Variants in LYRM9 observed in about 807,000 individuals in gnomAD.
The protein encoded by LYRM9 is LYR motif-containing protein 9.
LYRM9 carries 14 observed loss-of-function variants against 12.6 expected under a neutral mutation model. That is an observed-to-expected ratio of 1.11 (90% CI 0.73 to 1.73). The LOEUF (loss-of-function observed/expected upper bound fraction) is 1.73, where lower values mean the gene tolerates loss of function less well. Among genes scored for constraint, LYRM9 ranks in the 40% most tolerant of loss-of-function variants. The pLI, the probability that LYRM9 is intolerant of heterozygous loss-of-function variation, is 0.00. For synonymous variants in LYRM9, 42 were observed against 35.1 expected, an observed-to-expected ratio of 1.20 and a Z score of -0.69; for missense variants, 94 against 95.0, an observed-to-expected ratio of 0.99 and a Z score of 0.04.
intron 1 of LYRM9, chr17:27,892,549 G>T (rs1335795797): frequency 5.2e-6 from 2 of 384,192 alleles, no homozygotes; most frequent in Non-Finnish European, 1.0e-5. Context: ...AGTCACAAGG[G>T]GCTACTTAAT....
intron 1 of LYRM9, among the ~76,000 whole-genome samples, chr17:27,889,695 A>AT (rs1905363330): frequency 6.6e-6 from 1 of 152,162 alleles, no homozygotes; most frequent in South Asian, 2.1e-4. Flanking sequence ...GGGGTCTGTT[A>AT]TATCAACTCA....
intron 1 of LYRM9, chr17:27,892,669 G>A (rs1435638309): frequency 3.3e-6 from 1 of 306,664 alleles, no homozygotes; most frequent in Non-Finnish European, 6.4e-6. Flanking sequence ...AGGGGGGAGT[G>A]ACAGCTAAAG....
chr17:27,892,190 A>G lies in LYRM9; in HGVS notation c.-19+1127T>C. On this transcript the variant is annotated intron_variant, in intron 1 of 3. Transcript: ENST00000379102. ...AGTGATCCTCTTTCCTCAGCCTCCT[A>G]CGGTGCTGAGATTATGGGCATGAGC... 1.3e-5 allele frequency: 3 copies of G among 225,582 alleles called. No individual in the cohort carries two copies. The South Asian group carries it at 1.5e-4, about 11-fold the overall frequency. The allele number at this position is 225,582 out of a possible 1,614,324, so 14.0% of individuals were successfully genotyped here.
At chr17:27,883,109 G>C in intron 1 of LYRM9, 1 of 460,652 alleles carries the variant, frequency 2.2e-6, no homozygotes, top group Non-Finnish European at 4.5e-6. Flanking sequence ...CCACAGAGGG[G>C]AGAATGCCTA....
At chr17:27,890,648 C>T (rs192060007) in intron 1 of LYRM9, among the ~76,000 whole-genome samples, 21 of 151,956 alleles carry the variant, frequency 1.4e-4, no homozygotes, top group Non-Finnish European at 2.6e-4. Flanking sequence ...ATCTATGTCC[C>T]GATATAGGCA....
In LYRM9 at chr17:27,886,645, CTTTTT is replaced by C. The variant is rs1194358776; in HGVS notation, c.-18-3938_-18-3934del. Among the ~76,000 whole-genome samples, 22 of 97,170 alleles carry C rather than the reference CTTTTT, an allele frequency of 2.3e-4. No individual in the cohort carries two copies. The highest frequency in any genetic ancestry group is 3.3e-4 in the Non-Finnish European group (17 of 52,174). 63.7% of individuals were successfully genotyped at this position (97,170 alleles called of 152,430 possible). A position where few individuals can be genotyped will look rare whatever the true frequency, so the allele number is the denominator to read the frequency against. On this transcript the variant is annotated intron_variant, in intron 1 of 3. Coordinates refer to ENST00000379102, the MANE Select transcript of LYRM9 (RefSeq NM_001076680.3). This position sits in a 1 kb window ranked among gnomAD's most constrained non-coding sequence, Gnocchi z 4.8. ...GCCACTGGTTTCTTTCTTTTCTTTT[CTTTTT>C]TTATTTTTTTTTTTTTGAGACAGAG...
Position 27,879,437 on chromosome 17 carries a change from A to G in LYRM9, c.*36T>C, listed in dbSNP as rs1904961086. On this transcript the variant is annotated 3_prime_UTR_variant, in exon 4 of 4. Transcript: ENST00000379102. ...TGAGCTCCAGAAGAGGGGCCTCTCA[A>G]CTTCCAGAGGCCAGGAAGGCTCACC... 6.5e-7 allele frequency: 1 copy of G among 1,547,252 alleles called. No homozygotes were observed. Among genetic ancestry groups the G allele is most frequent in the Non-Finnish European group, 8.7e-7 (1 of 1,145,516 alleles).
rs972322950 is a variant in LYRM9 at position 27,886,873 on chromosome 17, C to T, written c.-18-4161G>A. Among the ~76,000 whole-genome samples the T allele has an allele frequency of 5.3e-5, 8 of 151,792 alleles. No homozygotes were observed. The East Asian group carries it at 1.4e-3, about 26-fold the overall frequency. On this transcript the variant is annotated intron_variant, in intron 1 of 3. Transcript: ENST00000379102. This position sits in a 1 kb window ranked among gnomAD's most constrained non-coding sequence, Gnocchi z 4.8. ...GTTGGTCAGGCTGGTCTCAAACTCCCGACCTCAGGTGATCCACCCACCTTG... is the reference window on the plus strand; with the variant it reads ...GTTGGTCAGGCTGGTCTCAAACTCCTGACCTCAGGTGATCCACCCACCTTG...
In LYRM9 at chr17:27,883,348, C is replaced by T. The variant is rs534605590; in HGVS notation, c.-18-636G>A. 223 of 198,658 alleles carry T rather than the reference C, an allele frequency of 1.1e-3. 2 individuals are homozygous for T. The highest frequency in any genetic ancestry group is 4.9e-3 in the African/African-American group (206 of 42,404). The allele number at this position is 198,658 out of a possible 1,614,324, so 12.3% of individuals were successfully genotyped here. On this transcript the variant is annotated intron_variant, in intron 1 of 3. Coordinates refer to ENST00000379102, the MANE Select transcript of LYRM9 (RefSeq NM_001076680.3). ...GGACAGAGTCACCACAGCGTGGGCA[C>T]GTGATTTCATTTCACTATGAGTTAT...
chr17:27,880,499 T>TTA, intron 2 of LYRM9, 133 bp from the exon 3 acceptor site: 1 of 636,546 alleles, frequency 1.6e-6, no homozygotes, highest in Non-Finnish European at 2.8e-6. Context: ...CCATAGACTG[T>TTA]TATGATTATC....
Position 27,886,330 on chromosome 17 carries a change from A to T in LYRM9, c.-18-3618T>A, listed in dbSNP as rs1279866485. Among the ~76,000 whole-genome samples the T allele has an allele frequency of 1.3e-5, 2 of 152,228 alleles. No individual in the cohort carries two copies. The highest frequency in any genetic ancestry group is 2.9e-5 in the Non-Finnish European group (2 of 68,040). ...TCATTCTCAGTAATAACTAGTAGAGAATACATGTGTGGGTCCACTTAGAAG... is the reference window on the plus strand; with the variant it reads ...TCATTCTCAGTAATAACTAGTAGAGTATACATGTGTGGGTCCACTTAGAAG... On this transcript the variant is annotated intron_variant, in intron 1 of 3. Coordinates refer to ENST00000379102, the MANE Select transcript of LYRM9 (RefSeq NM_001076680.3). This position sits in a 1 kb window ranked among gnomAD's most constrained non-coding sequence, Gnocchi z 4.8.
At chr17:27,880,411 G>C (rs1905011625) in intron 2 of LYRM9, 45 bp from the exon 3 acceptor site, 1 of 1,467,432 alleles carries the variant, frequency 6.8e-7, no homozygotes, top group African/African-American at 1.4e-5. Flanking sequence ...AAAATTCCCA[G>C]GACAGGCAGC....
intron 1 of LYRM9, 70 bp from the exon 2 acceptor site, chr17:27,882,782 C>A: frequency 1.4e-6 from 2 of 1,466,638 alleles, no homozygotes; most frequent in Non-Finnish European, 1.8e-6. Flanking sequence ...CCCCCAGTTC[C>A]CAGTACTCTG....
chr17:27,881,994 A>G (rs897398213), intron 2 of LYRM9, among the ~76,000 whole-genome samples: 1 of 152,136 alleles, frequency 6.6e-6, no homozygotes, highest in African/African-American at 2.4e-5. Context: ...CCTGAGCTCA[A>G]TCTGCCTGCC....
intron 1 of LYRM9, among the ~76,000 whole-genome samples, chr17:27,890,391 G>GAA: frequency 6.7e-6 from 1 of 148,486 alleles, no homozygotes; most frequent in South Asian, 2.1e-4. Flanking sequence ...CATATAGATG[G>GAA]AAAAAAAAAA....
rs763593182 is a variant in LYRM9, at chr17:27,878,979, G to C, written c.*494C>G. The C allele has an allele frequency of 1.4e-4, 22 of 155,664 alleles. No homozygotes were observed. The highest frequency in any genetic ancestry group is 2.8e-4 in the Non-Finnish European group (20 of 70,314). 9.6% of individuals were successfully genotyped at this position (155,664 alleles called of 1,614,324 possible). On this transcript the variant is annotated 3_prime_UTR_variant, in exon 4 of 4. Coordinates refer to ENST00000379102, the MANE Select transcript of LYRM9 (RefSeq NM_001076680.3). ...GGGGGCGGGGCAGGACGGCTTCCTT[G>C]AAGGGAGCCCTTCAGGCACTGTCAT...
intron 2 of LYRM9, among the ~76,000 whole-genome samples, chr17:27,881,552 C>A (rs1337361837): frequency 1.3e-5 from 2 of 152,092 alleles, no homozygotes; most frequent in African/African-American, 4.8e-5. Context: ...GAATTTCCTA[C>A]CAGAATCACT....
intron 3 of LYRM9, 39 bp downstream of exon 3, chr17:27,880,234 AC>A: frequency 1.4e-6 from 2 of 1,475,330 alleles, no homozygotes; most frequent in South Asian, 1.2e-5. Context: ...AGCCATCATC[AC>A]CCCAGCTCGC....
At chr17:27,888,543 C>T (rs958329029) in intron 1 of LYRM9, among the ~76,000 whole-genome samples, 8 of 152,120 alleles carry the variant, frequency 5.3e-5, no homozygotes, top group Admixed American at 2.0e-4. Context: ...TCTCAGGAGA[C>T]GCAGGCAGAA....
Sources: allele counts gnomAD v4.1 joint callset (sites outside exome capture counted in the v4.1 genomes callset), GRCh38; gene constraint gnomAD v4.1.1; non-coding constraint Gnocchi (gnomAD v3.1); transcripts MANE v1.5; gene names NCBI Gene and HGNC (gene_info 2026-07-23, HGNC 2026-07-21).